The following SDC2 variants were observed in gnomAD, a reference collection of about 807,000 sequenced individuals.
The protein encoded by SDC2 is syndecan-2.
In SDC2, 13 loss-of-function variants were observed where a neutral mutation model predicts 22.2. That is an observed-to-expected ratio of 0.59 (90% confidence interval 0.38 to 0.93). The LOEUF (loss-of-function observed/expected upper bound fraction) is 0.93. Among genes scored for constraint, SDC2 ranks in the 40% least tolerant of loss-of-function variants. The pLI, the probability that SDC2 is intolerant of heterozygous loss-of-function variation, is 0.00. For synonymous variants in SDC2, 94 were observed against 92.8 expected (o/e 1.01, Z -0.07); for missense variants, 235 against 246.8 (o/e 0.95, Z 0.32).
At chr8:96,577,932 G>A (rs1048337524) in intron 1 of SDC2, among the ~76,000 whole-genome samples, 5 of 151,866 alleles carry the variant, frequency 3.3e-5, no homozygotes, top group African/African-American at 1.2e-4. Flanking sequence ...TCTTTTTATC[G>A]CCAATAATAT....
intron 2 of SDC2, among the ~76,000 whole-genome samples, chr8:96,599,801 T>C (rs1814945736): frequency 6.6e-6 from 1 of 152,170 alleles, no homozygotes; most frequent in South Asian, 2.1e-4. Context: ...TAATAATGAA[T>C]ATATATGTTT....
intron 1 of SDC2, among the ~76,000 whole-genome samples, chr8:96,566,452 C>A (rs1410782209): frequency 6.6e-6 from 1 of 152,072 alleles, no homozygotes; most frequent in African/African-American, 2.4e-5. Context: ...GCATATTGTG[C>A]AGGGGTTTTC....
In SDC2 at chr8:96,593,538, C is replaced by T. The variant is rs201901168; in HGVS notation, c.119C>T (p.Ala40Val). 4.3e-6 allele frequency: 7 copies of T among 1,614,128 alleles called. No individual in the cohort carries two copies. In the Admixed American group the frequency reaches 1.2e-4, roughly 27 times the overall value. The change falls in exon 2 of 5, where the codon GCT becomes GTT. Residue 40 changes from alanine to valine, a missense_variant. Transcript: ENST00000302190. ...MYLDNSSIEE[A>V]SGVYPIDDDD... is the part of the protein sequence containing the mutation. ...CTTGACAACAGCTCCATTGAAGAAG[C>T]TTCAGGAGTGTATCCTATTGATGAC...
At chr8:96,496,104 C>T (rs1285338253) in intron 1 of SDC2, among the ~76,000 whole-genome samples, 2 of 152,072 alleles carry the variant, frequency 1.3e-5, no homozygotes, top group Non-Finnish European at 1.5e-5. Context: ...GTTAAGGAGG[C>T]CCTTTTTTTT....
chr8:96,521,800 A>G (rs1199318181), intron 1 of SDC2, among the ~76,000 whole-genome samples: 1 of 152,152 alleles, frequency 6.6e-6, no homozygotes, highest in African/African-American at 2.4e-5. Flanking sequence ...TCACTAAAAC[A>G]TGTGTGCCTT....
At chr8:96,542,538 A>G (rs1396280784) in intron 1 of SDC2, among the ~76,000 whole-genome samples, 1 of 152,100 alleles carries the variant, frequency 6.6e-6, no homozygotes, top group Non-Finnish European at 1.5e-5. Context: ...CAAGCCCTCA[A>G]GCTTTTTCCA....
chr8:96,564,246 TG>T lies in SDC2; in HGVS notation c.61-29233del, dbSNP rs553154306. Among the ~76,000 whole-genome samples, 248 of 152,306 alleles carry T rather than the reference TG, an allele frequency of 1.6e-3. 3 individuals carry two copies. The highest frequency in any genetic ancestry group is 3.0e-3 in the Non-Finnish European group (204 of 68,026). On this transcript the variant is annotated intron_variant, in intron 1 of 4. Coordinates refer to ENST00000302190, the MANE Select transcript of SDC2 (RefSeq NM_002998.4). ...AATTGTCAACCACCTGTATCATTAG[TG>T]TTGGCGGGGAAAGGAGGGGTGAGGA...
At chr8:96,554,983 T>C (rs995631087) in intron 1 of SDC2, among the ~76,000 whole-genome samples, 1 of 152,094 alleles carries the variant, frequency 6.6e-6, no homozygotes, top group Admixed American at 6.6e-5. Context: ...TCTCTTCCTT[T>C]CCTTCTTCGA....
intron 1 of SDC2, among the ~76,000 whole-genome samples, chr8:96,555,764 A>G (rs901834730): frequency 9.9e-5 from 15 of 152,122 alleles, no homozygotes; most frequent in Admixed American, 7.2e-4. Flanking sequence ...TTCTTCACCA[A>G]TGTATTTTCT....
At chr8:96,545,375 C>T (rs1290192658) in intron 1 of SDC2, among the ~76,000 whole-genome samples, 1 of 152,114 alleles carries the variant, frequency 6.6e-6, no homozygotes, top group Non-Finnish European at 1.5e-5. Context: ...CTTCCCCTTC[C>T]CCCAACAAGG....
At chr8:96,594,572 C>T (rs1798736359) in intron 2 of SDC2, among the ~76,000 whole-genome samples, 1 of 152,144 alleles carries the variant, frequency 6.6e-6, no homozygotes, top group South Asian at 2.1e-4. Flanking sequence ...CATAAAGTCA[C>T]ATTTACAGAG....
chr8:96,519,483 T>G (rs1028774734), intron 1 of SDC2, among the ~76,000 whole-genome samples: 1 of 152,176 alleles, frequency 6.6e-6, no homozygotes, highest in Admixed American at 6.5e-5. Flanking sequence ...GGAGGTTGTT[T>G]TCTGGGAAGG....
At chr8:96,545,911 A>G (rs573973903) in intron 1 of SDC2, among the ~76,000 whole-genome samples, 226 of 152,294 alleles carry the variant, frequency 1.5e-3, no homozygotes, top group Admixed American at 7.6e-3. Context: ...TAAGATGGGG[A>G]CACTAGAACT....
At chr8:96,525,482 A>G (rs1178811515) in intron 1 of SDC2, among the ~76,000 whole-genome samples, 1 of 152,192 alleles carries the variant, frequency 6.6e-6, no homozygotes, top group East Asian at 1.9e-4. Context: ...GCCTGGGCTT[A>G]CTTTGTGCGT....
intron 1 of SDC2, among the ~76,000 whole-genome samples, chr8:96,533,974 C>T (rs934774143): frequency 9.2e-5 from 14 of 152,292 alleles, no homozygotes; most frequent in Non-Finnish European, 1.3e-4. Context: ...AGCTGAGGTC[C>T]GGTGAGAATT....
At chr8:96,577,555 G>A (rs1814525006) in intron 1 of SDC2, among the ~76,000 whole-genome samples, 1 of 151,808 alleles carries the variant, frequency 6.6e-6, no homozygotes, top group South Asian at 2.1e-4. Flanking sequence ...CATTTATTGG[G>A]ATTAATGAAC....
At chr8:96,583,715 G>A (rs2319695) in intron 1 of SDC2, among the ~76,000 whole-genome samples, 1 of 140,400 alleles carries the variant, frequency 7.1e-6, no homozygotes, top group African/African-American at 2.8e-5. Context: ...GTGTGTGTGT[G>A]TGTATATATA....
chr8:96,607,052 G>A (rs945842705), intron 3 of SDC2, among the ~76,000 whole-genome samples: 1 of 152,198 alleles, frequency 6.6e-6, no homozygotes, highest in South Asian at 2.1e-4. Flanking sequence ...GCGCAAACGC[G>A]ATTGTGAACT....
intron 1 of SDC2, among the ~76,000 whole-genome samples, chr8:96,546,639 T>C (rs1347433502): frequency 6.6e-6 from 1 of 152,200 alleles, no homozygotes; most frequent in African/African-American, 2.4e-5. Flanking sequence ...ATTTTTCTGT[T>C]CCTTGTGGAG....
Sources: allele counts gnomAD v4.1 joint callset (sites outside exome capture counted in the v4.1 genomes callset), GRCh38; gene constraint gnomAD v4.1.1; transcripts MANE v1.5; gene names NCBI Gene and HGNC (gene_info 2026-07-23, HGNC 2026-07-21).